The following LY6S variants were observed in gnomAD, a reference collection of about 807,000 sequenced individuals.
The protein encoded by LY6S is lymphocyte antigen 6S.
the LY6S span, among the ~76,000 whole-genome samples, chr8:143,076,116 T>A: frequency 2.0e-5 from 3 of 152,326 alleles, no homozygotes; most frequent in Admixed American, 2.0e-4. Flanking sequence ...GCCTGTGTGT[T>A]TGACTGATTT....
chr8:143,051,920 C>T, the LY6S span, among the ~76,000 whole-genome samples: 1 of 147,002 alleles, frequency 6.8e-6, no homozygotes, highest in African/African-American at 2.5e-5. Flanking sequence ...TGCAGTGAGC[C>T]GAGATCGTGC....
At chr8:143,074,469 C>T in the LY6S span, among the ~76,000 whole-genome samples, 19 of 152,234 alleles carry the variant, frequency 1.2e-4, no homozygotes, top group East Asian at 2.1e-3. Flanking sequence ...TAAGCCCATC[C>T]AATGAGTTCT....
chr8:143,065,783 T>TTCTCTCTCTTTC, the LY6S span: 1 of 115,224 alleles, frequency 8.7e-6, no homozygotes, highest in Non-Finnish European at 1.7e-5. Flanking sequence ...CTTTCTTTCT[T>TTCTCTCTCTTTC]TTTCTTTCTT....
the LY6S span, among the ~76,000 whole-genome samples, chr8:143,070,489 A>ATTTTTTTTTTTTTT: frequency 4.9e-5 from 4 of 81,698 alleles, no homozygotes; most frequent in East Asian, 4.5e-4. Context: ...ATATATATAT[A>ATTTTTTTTTTTTTT]TTTTTTTTTT....
At chr8:143,061,300 AG>A in the LY6S span, among the ~76,000 whole-genome samples, 1 of 152,172 alleles carries the variant, frequency 6.6e-6, no homozygotes, top group African/African-American at 2.4e-5. Context: ...GAATGGGAAA[AG>A]ATACATCATG....
At chr8:143,041,865 G>A in the LY6S span, among the ~76,000 whole-genome samples, 1 of 149,664 alleles carries the variant, frequency 6.7e-6, no homozygotes, top group African/African-American at 2.5e-5. Flanking sequence ...AGGCTGAGAC[G>A]GCCGTCCACC....
At chr8:143,043,778 C>G in the LY6S span, among the ~76,000 whole-genome samples, 1 of 152,116 alleles carries the variant, frequency 6.6e-6, no homozygotes, top group Non-Finnish European at 1.5e-5. Flanking sequence ...TGGGTTCAAG[C>G]GATTCTCCTG....
chr8:143,051,984 G>A, the LY6S span, among the ~76,000 whole-genome samples: 94,651 of 143,602 alleles, frequency 0.66, 31,118 homozygotes, highest in East Asian at 0.74. Flanking sequence ...AAAAAAAAAA[G>A]AAAAGAAAAG....
At chr8:143,070,477 A>ATTTTTTT in the LY6S span, among the ~76,000 whole-genome samples, 3 of 11,322 alleles carry the variant, frequency 2.6e-4, no homozygotes, top group African/African-American at 5.5e-4. Context: ...ATATATATAA[A>ATTTTTTT]TATATATATA....
chr8:143,076,148 G>A, the LY6S span, among the ~76,000 whole-genome samples: 29,111 of 152,200 alleles, frequency 0.19, 3,650 homozygotes, highest in East Asian at 0.34. Context: ...AGGATTGTGC[G>A]CCGGGGAGAC....
At chr8:143,066,157 C>CTTTTCTTTTCTT in the LY6S span, 1 of 314,780 alleles carries the variant, frequency 3.2e-6, no homozygotes, top group Non-Finnish European at 6.0e-6. Context: ...AATTTCTTTT[C>CTTTTCTTTTCTT]TTTTCTTTTC....
chr8:143,072,286 T>G, the LY6S span, among the ~76,000 whole-genome samples: 2 of 144,592 alleles, frequency 1.4e-5, no homozygotes, highest in African/African-American at 5.3e-5. Context: ...CCGGGGTTCC[T>G]GTTTGAGGAG....
the LY6S span, among the ~76,000 whole-genome samples, chr8:143,061,798 CCTCTCAAA>C: frequency 6.6e-6 from 1 of 152,208 alleles, no homozygotes; most frequent in East Asian, 1.9e-4. Context: ...CCCACCTTGG[CCTCTCAAA>C]GTGCTGGGAT....
At chr8:143,066,074 C>T in the LY6S span, 1 of 409,772 alleles carries the variant, frequency 2.4e-6, no homozygotes, top group Non-Finnish European at 4.7e-6. Context: ...GCTTGGGAAG[C>T]ACATAGGCAT....
At chr8:143,065,913 C>A in the LY6S span, 1 of 260,602 alleles carries the variant, frequency 3.8e-6, no homozygotes, top group African/African-American at 2.3e-5. Context: ...GGACTCAGTT[C>A]CTCACGTGGG....
At chr8:143,066,594 G>T in the LY6S span, 1 of 270,340 alleles carries the variant, frequency 3.7e-6, no homozygotes, top group African/African-American at 2.2e-5. Flanking sequence ...TCATCTTGGA[G>T]GCATAGACCG....
At chr8:143,075,950 G>A in the LY6S span, among the ~76,000 whole-genome samples, 1 of 152,094 alleles carries the variant, frequency 6.6e-6, no homozygotes, top group Non-Finnish European at 1.5e-5. This position sits in a 1 kb window ranked among gnomAD's most constrained non-coding sequence, Gnocchi z 4.1. Flanking sequence ...TCTGTGCTGG[G>A]TCAGAGAATA....
At chr8:143,066,803 G>A in the LY6S span, among the ~76,000 whole-genome samples, 1 of 152,156 alleles carries the variant, frequency 6.6e-6, no homozygotes, top group Admixed American at 6.5e-5. Context: ...TTGATGCTGG[G>A]ACGAGTTAAG....
At chr8:143,070,489 A>ATTT in the LY6S span, among the ~76,000 whole-genome samples, 276 of 81,710 alleles carry the variant, frequency 3.4e-3, 15 homozygotes, top group Non-Finnish European at 4.2e-3. Flanking sequence ...ATATATATAT[A>ATTT]TTTTTTTTTT....
Sources: allele counts gnomAD v4.1 joint callset (sites outside exome capture counted in the v4.1 genomes callset), GRCh38; gene constraint gnomAD v4.1.1; non-coding constraint Gnocchi (gnomAD v3.1); transcripts MANE v1.5; gene names NCBI Gene and HGNC (gene_info 2026-07-23, HGNC 2026-07-21).